Variants in CRAT observed in about 807,000 individuals in gnomAD.
CRAT encodes carnitine O-acetyltransferase.
In CRAT, 66 loss-of-function variants were observed where a neutral mutation model predicts 73.7. That is an observed-to-expected ratio of 0.90 (90% CI 0.73 to 1.10). The LOEUF is 1.10. Among genes scored for constraint, CRAT ranks in the 50% least tolerant of loss-of-function variants. The pLI is 0.00. For synonymous variants in CRAT, 321 were observed against 343.2 expected (o/e 0.94, Z 0.71); for missense variants, 745 against 846.9 (o/e 0.88, Z 1.49).
At position 129,098,037 on chromosome 9, in the gene CRAT, C is replaced by T. The variant is rs1436421043; in HGVS notation, c.1440G>A (p.Lys480=). The T allele has an allele frequency of 1.2e-6, 2 of 1,613,996 alleles. No individual in the cohort carries two copies. Among genetic ancestry groups the T allele is most frequent in the Admixed American group, 3.3e-5 (2 of 60,034 alleles). The change falls in exon 11 of 14, where the codon AAG becomes AAA. Residue 480 remains lysine, a synonymous_variant. Transcript: ENST00000318080. ...SASMDSLTFV[K]AMDDSSVTEH... ...CCGTGACGCTGGAGTCATCCATGGC[C>T]TTGACAAAGGTGAGTGAGTCCATGG...
intron 4 of CRAT, 28 bp downstream of exon 4, chr9:129,102,985 G>T (rs1456786113): frequency 6.2e-7 from 1 of 1,604,210 alleles, no homozygotes; most frequent in Non-Finnish European, 8.5e-7. Context: ...GGGCAGGTGT[G>T]GGGCTGGGCA....
chr9:129,105,726 C>A (rs1847974606), intron 2 of CRAT, among the ~76,000 whole-genome samples: 1 of 152,154 alleles, frequency 6.6e-6, no homozygotes. Context: ...GGAGTAGATA[C>A]CCACTTTGAT....
chr9:129,110,350 C>T lies in CRAT; in HGVS notation c.27+133G>A. On this transcript the variant is annotated intron_variant, in intron 1 of 13. Transcript: ENST00000318080. This position sits in a 1 kb window ranked among gnomAD's most constrained non-coding sequence, Gnocchi z 5.3. ...CCTGCTCTGCCAAACCTGGGACGCC[C>T]GCCTGACCCCACCCCATCAGCTGGA... The T allele has an allele frequency of 2.1e-6, 2 of 948,600 alleles. No individual in the cohort carries two copies. The highest frequency in any genetic ancestry group is 3.0e-6 in the Non-Finnish European group (2 of 676,862). The allele number at this position is 948,600 out of a possible 1,614,324, so 58.8% of individuals were successfully genotyped here. A position where few individuals can be genotyped will look rare whatever the true frequency, so the allele number is the denominator to read the frequency against.
At chr9:129,105,532 G>A (rs1036086795) in intron 2 of CRAT, among the ~76,000 whole-genome samples, 1 of 151,834 alleles carries the variant, frequency 6.6e-6, no homozygotes, top group Non-Finnish European at 1.5e-5. Context: ...ATGTTGGCCA[G>A]GCTGGTCTTG....
At position 129,102,016 on chromosome 9, in the gene CRAT, G is replaced by A; in HGVS notation, c.672C>T (p.Leu224=). The change falls in exon 6 of 14, where the codon CTC becomes CTT. Residue 224 remains leucine, a synonymous_variant. Transcript: ENST00000318080. ...LDVYHSDGTP[L]TADQIFVQLE... is the part of the protein sequence containing the mutation. The stretch of plus-strand genomic sequence containing the variant: ...GCTGCACAAAGATCTGATCCGCAGT[G>A]AGGGGTGTCCCGTCACTGTGGTACA... The A allele has an allele frequency of 6.2e-7, 1 of 1,614,212 alleles. No individual in the cohort carries two copies. The highest frequency in any genetic ancestry group is 8.5e-7 in the Non-Finnish European group (1 of 1,180,022).
At chr9:129,096,258 G>T in intron 12 of CRAT, 123 bp from the exon 13 acceptor site, 1 of 1,268,670 alleles carries the variant, frequency 7.9e-7, no homozygotes, top group Non-Finnish European at 1.1e-6. Flanking sequence ...CAAGACCAGA[G>T]TATTCTGGCC....
At chr9:129,108,453 A>G in intron 1 of CRAT, 1 of 1,169,066 alleles carries the variant, frequency 8.6e-7, no homozygotes, top group Non-Finnish European at 1.1e-6. Context: ...TCCCTCTTGG[A>G]GGTCCCCACG....
rs967455099 is a variant in CRAT, at chr9:129,108,332, T to C, written c.28-255A>G. ...AAGGCTCAGGGGAACCAAGTCAGGA[T>C]GAACGGCACCTTTGGGGTGGCAGAG... On this transcript the variant is annotated intron_variant, in intron 1 of 13. Transcript: ENST00000318080. 6.6e-6 allele frequency: 8 copies of C among 1,214,558 alleles called. No homozygotes were observed. In the African/African-American group the frequency reaches 1.2e-4, roughly 19 times the overall value. 75.2% of individuals were successfully genotyped at this position (1,214,558 alleles called of 1,614,324 possible). A position where few individuals can be genotyped will look rare whatever the true frequency, so the allele number is the denominator to read the frequency against.
chr9:129,097,159 C>T, intron 12 of CRAT, 91 bp downstream of exon 12: 2 of 1,176,932 alleles, frequency 1.7e-6, no homozygotes, highest in Non-Finnish European at 2.4e-6. Context: ...AAAGGGTTGG[C>T]AGCCATTGGC....
Position 129,098,006 on chromosome 9 carries a change from C to T in CRAT, c.1464+7G>A. On this transcript the variant is annotated splice_region_variant and intron_variant, in intron 11 of 13. Coordinates refer to ENST00000318080, the MANE Select transcript of CRAT (RefSeq NM_000755.5). ...CAGCTCACCCACCCTCGCCCCAGACCTCTCACCGTGACGCTGGAGTCATCC... is the reference window on the plus strand; with the variant it reads ...CAGCTCACCCACCCTCGCCCCAGACTTCTCACCGTGACGCTGGAGTCATCC... 1 of 1,612,770 alleles carries T rather than the reference C, an allele frequency of 6.2e-7. No individual in the cohort carries two copies. Among genetic ancestry groups the T allele is most frequent in the Non-Finnish European group, 8.5e-7 (1 of 1,179,622 alleles).
intron 11 of CRAT, 36 bp downstream of exon 11, chr9:129,097,977 G>T (rs199583618): frequency 6.2e-7 from 1 of 1,604,844 alleles, no homozygotes; most frequent in Admixed American, 1.7e-5. Flanking sequence ...GAGGGGCTCA[G>T]GCCCAGCTCA....
intron 8 of CRAT, among the ~76,000 whole-genome samples, chr9:129,098,880 C>T (rs968112993): frequency 6.7e-6 from 1 of 150,062 alleles, no homozygotes; most frequent in Non-Finnish European, 1.5e-5. Context: ...GTGATGTGAT[C>T]TCAGCTCACT....
rs919078087 is a variant in CRAT, at chr9:129,110,161, T to C, written c.27+322A>G. On this transcript the variant is annotated intron_variant, in intron 1 of 13. Coordinates refer to ENST00000318080, the MANE Select transcript of CRAT (RefSeq NM_000755.5). This position sits in a 1 kb window ranked among gnomAD's most constrained non-coding sequence, Gnocchi z 5.3. ...TCGGAGAATAACTGGGAGAGTGAGC[T>C]AGGGTCTGGATGCTCCTGGTCTCTC... is the stretch of plus-strand genomic sequence containing the variant. 1.3e-5 allele frequency among the ~76,000 whole-genome samples: 2 copies of C among 152,066 alleles called. No individual in the cohort carries two copies. The highest frequency in any genetic ancestry group is 2.9e-5 in the Non-Finnish European group (2 of 67,996).
chr9:129,105,331 C>CTTTTTT (rs960539230), intron 2 of CRAT, among the ~76,000 whole-genome samples: 4 of 151,314 alleles, frequency 2.6e-5, no homozygotes, highest in Non-Finnish European at 5.9e-5. Context: ...CAATGAGTGA[C>CTTTTTT]TTTTTTTTTG....
At position 129,103,173 on chromosome 9, in the gene CRAT, C is replaced by T. The variant is rs1847797734; in HGVS notation, c.411-107G>A. 2.1e-6 allele frequency: 2 copies of T among 961,896 alleles called. No homozygotes were observed. Among genetic ancestry groups the T allele is most frequent in the Non-Finnish European group, 3.4e-6 (2 of 590,506 alleles). 59.6% of individuals were successfully genotyped at this position (961,896 alleles called of 1,614,324 possible). ...GGAGGTCTAGTCTTCCAGCCTCTCTCACCGCTTCCAGAAAGCCTGGGAGCG... is the reference window on the plus strand; with the variant it reads ...GGAGGTCTAGTCTTCCAGCCTCTCTTACCGCTTCCAGAAAGCCTGGGAGCG... On this transcript the variant is annotated intron_variant, in intron 3 of 13. Transcript: ENST00000318080. The surrounding 1 kb of genome is among the most constrained non-coding windows in gnomAD (Gnocchi z 4.6).
intron 12 of CRAT, among the ~76,000 whole-genome samples, chr9:129,096,790 C>T (rs968111502): frequency 4.6e-5 from 7 of 152,198 alleles, no homozygotes; most frequent in African/African-American, 1.4e-4. Flanking sequence ...GATATTTGGC[C>T]GGGCACGGTG....
rs761447955 is a variant in CRAT at position 129,102,387 on chromosome 9, G to A, written c.630+13C>T. On this transcript the variant is annotated intron_variant, in intron 5 of 13. Coordinates refer to ENST00000318080, the MANE Select transcript of CRAT (RefSeq NM_000755.5). The stretch of plus-strand genomic sequence containing the variant: ...AGGGCCGGGGCTTGTAGGTGTGGGT[G>A]GGGGCCACCCACCTGGTAGTTGTGT... The A allele has an allele frequency of 3.7e-6, 6 of 1,613,856 alleles. No homozygotes were observed. The East Asian group carries it at 1.1e-4, about 30-fold the overall frequency.
chr9:129,107,939 G>T lies in CRAT; in HGVS notation c.166C>A (p.Pro56Thr). The T allele has an allele frequency of 1.2e-6, 2 of 1,609,486 alleles. No individual in the cohort carries two copies. The change falls in exon 2 of 14, where the codon CCC (proline) becomes ACC (threonine). Residue 56 changes from proline to threonine, a missense_variant. Coordinates refer to ENST00000318080, the MANE Select transcript of CRAT (RefSeq NM_000755.5). This position sits in a 1 kb window ranked among gnomAD's most constrained non-coding sequence, Gnocchi z 5.0. ...SLDHYLKALQ[P>T]IVSEEEWAHT... ...GCCCACTCCTCCTCACTCACGATGG[G>T]CTGCAGCGCCTTCAGGTAGTGGTCC...
intron 6 of CRAT, among the ~76,000 whole-genome samples, chr9:129,101,647 G>C (rs2148852): frequency 0.13 from 20,471 of 152,288 alleles, 4,496 homozygotes; most frequent in African/African-American, 0.46. Context: ...CCCTGAACAT[G>C]TGCTTCTTAG....
Sources: allele counts gnomAD v4.1 joint callset (sites outside exome capture counted in the v4.1 genomes callset), GRCh38; gene constraint gnomAD v4.1.1; non-coding constraint Gnocchi (gnomAD v3.1); transcripts MANE v1.5; gene names NCBI Gene and HGNC (gene_info 2026-07-23, HGNC 2026-07-21).